The following TGM5 variants were observed in gnomAD, a reference collection of about 807,000 sequenced individuals.
The protein encoded by TGM5 is transglutaminase 5, also known as protein-glutamine gamma-glutamyltransferase 5.
TGM5 carries 69 observed loss-of-function variants against 77.2 expected under a neutral mutation model. The ratio of observed to expected loss-of-function variants is 0.89; its 90% CI spans 0.74 to 1.09. TGM5 has a LOEUF of 1.09. Among genes scored for constraint, TGM5 ranks in the 50% least tolerant of loss-of-function variants. TGM5 has a pLI of 0.00. For missense variants in TGM5, 842 were observed against 896.5 expected (o/e 0.94, Z 0.78); for synonymous variants, 346 against 351.8 (o/e 0.98, Z 0.18).
rs752261247 is a variant in TGM5 at position 43,260,268 on chromosome 15, G to A, written c.220C>T (p.Arg74Trp). The change falls in exon 3 of 13, where the codon CGG (arginine) becomes TGG (tryptophan). Residue 74 changes from arginine to tryptophan, a missense_variant. By Grantham distance (101) the Arg-to-Trp change is moderately radical (BLOSUM62 -3). Transcript: ENST00000220420. ...GPLPDLALGT[R>W]AVFSLARHHS... is the part of the protein sequence containing the mutation. ...TGGCGTGCCAGGCTGAACACAGCCC[G>A]AGTCCCCAAGGCCAGGTCTGGCAGC... 4.3e-6 allele frequency: 7 copies of A among 1,613,998 alleles called. No individual in the cohort carries two copies. The highest frequency in any genetic ancestry group is 2.2e-5 in the South Asian group (2 of 91,072).
chr15:43,263,628 G>A (rs954213701), intron 1 of TGM5, among the ~76,000 whole-genome samples: 2 of 152,220 alleles, frequency 1.3e-5, no homozygotes, highest in African/African-American at 4.8e-5. Flanking sequence ...AATGAAGTTA[G>A]ATGCATAACT....
At position 43,234,189 on chromosome 15, in the gene TGM5, C is replaced by T. The variant is rs530682698; in HGVS notation, c.1876-502G>A. Among the ~76,000 whole-genome samples, 8 of 152,292 alleles carry T rather than the reference C, an allele frequency of 5.3e-5. No individual in the cohort carries two copies. In the South Asian group the frequency reaches 1.0e-3, roughly 20 times the overall value. ...TAGCCAAACCTTCATGTTTCCCCAC[C>T]GGAAGGGGCTCCATGGGCTTACTTA... On this transcript the variant is annotated intron_variant, in intron 11 of 12. Transcript: ENST00000220420.
At chr15:43,261,184 G>A (rs59152765) in intron 1 of TGM5, among the ~76,000 whole-genome samples, 4,450 of 147,196 alleles carry the variant, frequency 0.03, 217 homozygotes, top group African/African-American at 0.1. Context: ...CCGCCTCCCG[G>A]GTTCACGCCA....
At chr15:43,237,817 T>C (rs1008611299) in intron 9 of TGM5, among the ~76,000 whole-genome samples, 1 of 152,182 alleles carries the variant, frequency 6.6e-6, no homozygotes, top group African/African-American at 2.4e-5. Flanking sequence ...GGCTTGAAAA[T>C]GTACTCTTAC....
Position 43,235,451 on chromosome 15 carries a change from A to G in TGM5, c.1714+18T>C, listed in dbSNP as rs909019211. Reference sequence around the variant, plus strand: ...TGCCAAAACCAACTCTGCGTACACAAACTGTGCACATGCGTACCTTCTTTA... The same window carrying G: ...TGCCAAAACCAACTCTGCGTACACAGACTGTGCACATGCGTACCTTCTTTA... On this transcript the variant is annotated intron_variant, in intron 10 of 12. Coordinates refer to ENST00000220420, the MANE Select transcript of TGM5 (RefSeq NM_201631.4). 6.2e-7 allele frequency: 1 copy of G among 1,613,938 alleles called. No homozygotes were observed. Among genetic ancestry groups the G allele is most frequent in the African/African-American group, 1.3e-5 (1 of 74,900 alleles).
At position 43,258,271 on chromosome 15, in the gene TGM5, A is replaced by G. The variant is rs556466053; in HGVS notation, c.437-1585T>C. Among the ~76,000 whole-genome samples the G allele has an allele frequency of 4.8e-3, 726 of 152,102 alleles. 3 individuals are homozygous for G. Among genetic ancestry groups the G allele is most frequent in the Non-Finnish European group, 9.3e-3 (633 of 67,970 alleles). On this transcript the variant is annotated intron_variant, in intron 3 of 12. Coordinates refer to ENST00000220420, the MANE Select transcript of TGM5 (RefSeq NM_201631.4). The stretch of plus-strand genomic sequence containing the variant: ...ATTACAAAAAAAAAAAAGAAAAACT[A>G]CCTGTTGGGTAGTATGCTTATTACC...
chr15:43,236,490 A>G (rs2042591375), intron 9 of TGM5, among the ~76,000 whole-genome samples: 1 of 152,138 alleles, frequency 6.6e-6, no homozygotes, highest in African/African-American at 2.4e-5. Context: ...ATACTTGCCC[A>G]CGCCTCATAA....
At chr15:43,247,518 CA>C (rs370917236) in intron 6 of TGM5, among the ~76,000 whole-genome samples, 130 of 138,096 alleles carry the variant, frequency 9.4e-4, no homozygotes, top group African/African-American at 2.8e-3. Flanking sequence ...AAGCTGACCT[CA>C]AAAAAAAAAG....
intron 6 of TGM5, among the ~76,000 whole-genome samples, chr15:43,249,586 G>A (rs898818343): frequency 1.3e-5 from 2 of 152,132 alleles, no homozygotes; most frequent in Non-Finnish European, 2.9e-5. Context: ...TGTCCCCTCT[G>A]TACTCTTGCT....
In TGM5 at chr15:43,239,929, G is replaced by T. The variant is rs1375072587; in HGVS notation, c.1002-663C>A. ...TGTGGTCAGAACTGTTGGGACTCAG[G>T]AAACAATACTCCAAAATGAAGGTCT... On this transcript the variant is annotated intron_variant, in intron 7 of 12. Transcript: ENST00000220420. Among the ~76,000 whole-genome samples the T allele has an allele frequency of 3.9e-5, 6 of 152,222 alleles. No homozygotes were observed. In the East Asian group the frequency reaches 1.2e-3, roughly 29 times the overall value.
At position 43,245,901 on chromosome 15, in the gene TGM5, G is replaced by T. The variant is rs531977424; in HGVS notation, c.863-4911C>A. 9.0e-4 allele frequency among the ~76,000 whole-genome samples: 113 copies of T among 125,388 alleles called. 1 individual carries two copies. The highest frequency in any genetic ancestry group is 1.1e-3 in the African/African-American group (36 of 32,884). The allele number at this position is 125,388 out of a possible 152,430, so 82.3% of individuals were successfully genotyped here. ...AAGGGTTATCTGTGTGTGTGTGTTG[G>T]GGGGGGGGGTCTTAAATGGCAAAAA... On this transcript the variant is annotated intron_variant, in intron 6 of 12. Transcript: ENST00000220420.
chr15:43,263,150 A>G (rs1309917785), intron 1 of TGM5, among the ~76,000 whole-genome samples: 1 of 152,218 alleles, frequency 6.6e-6, no homozygotes, highest in East Asian at 1.9e-4. Flanking sequence ...TGACTTAGTA[A>G]ATTTAACAAA....
chr15:43,234,884 T>C lies in TGM5; in HGVS notation c.1760A>G (p.Tyr587Cys). 2 of 1,614,202 alleles carry C rather than the reference T, an allele frequency of 1.2e-6. No homozygotes were observed. Among genetic ancestry groups the C allele is most frequent in the Non-Finnish European group, 1.7e-6 (2 of 1,180,022 alleles). The change falls in exon 11 of 13, where the codon TAC (tyrosine) becomes TGC (cysteine). Residue 587 changes from tyrosine to cysteine, a missense_variant. By Grantham distance (194) the Tyr-to-Cys change is radical. Coordinates refer to ENST00000220420, the MANE Select transcript of TGM5 (RefSeq NM_201631.4). ...GCGGATCAGCTTGTCTGTTGACAGG[T>C]ACTGGCTGTACTGGGAATAGGAGAT... The part of the protein sequence containing the change: ...CKISYSQYSQ[Y>C]LSTDKLIRIS...
At position 43,233,045 on chromosome 15, in the gene TGM5, C is replaced by T. The variant is rs2042557623; in HGVS notation, c.*146G>A. ...AAATTTCTAGTGGAGTCAGGAGAGA[C>T]AGAAAATGAACACGTCATCCCCTCT... On this transcript the variant is annotated 3_prime_UTR_variant, in exon 13 of 13. Transcript: ENST00000220420. The T allele has an allele frequency of 9.9e-7, 1 of 1,006,514 alleles. No homozygotes were observed. The highest frequency in any genetic ancestry group is 1.5e-6 in the Non-Finnish European group (1 of 686,750). The allele number at this position is 1,006,514 out of a possible 1,614,324, so 62.3% of individuals were successfully genotyped here. A position where few individuals can be genotyped will look rare whatever the true frequency, so the allele number is the denominator to read the frequency against.
chr15:43,252,568 G>A (rs1019391178), intron 6 of TGM5, among the ~76,000 whole-genome samples, 191 bp downstream of exon 6: 11 of 152,016 alleles, frequency 7.2e-5, no homozygotes, highest in Middle Eastern at 3.4e-3. Flanking sequence ...CACCCACCTC[G>A]GGCTCCCAAA....
rs767343419 is a variant in TGM5 at position 43,235,518 on chromosome 15, CA to C, written c.1664del (p.Leu555ArgfsTer39). On this transcript the variant is annotated frameshift_variant, in exon 10 of 13. Transcript: ENST00000220420. LOFTEE classifies it high-confidence loss of function. ...AQSLLHDGSP[L>X]SPFWQDTAFI... ...ACGCTGTGTCCTGCCAGAATGGGGA[CA>C]GGGGGCTGCCATCGTGCAGCAGAGA... 1.1e-5 allele frequency: 18 copies of C among 1,614,014 alleles called. 1 individual carries two copies. In the South Asian group the frequency reaches 1.3e-4, roughly 12 times the overall value.
At chr15:43,249,353 C>G (rs563469747) in intron 6 of TGM5, among the ~76,000 whole-genome samples, 17 of 152,340 alleles carry the variant, frequency 1.1e-4, no homozygotes, top group Admixed American at 3.3e-4. Flanking sequence ...GGTTGTACAA[C>G]AATCTTTACT....
At chr15:43,254,273 C>T (rs1023961572) in intron 4 of TGM5, among the ~76,000 whole-genome samples, 2 of 152,182 alleles carry the variant, frequency 1.3e-5, no homozygotes, top group African/African-American at 2.4e-5. Context: ...GACTCAGTTA[C>T]GTGATGTAGT....
rs116616135 is a variant in TGM5, at chr15:43,252,800, C to T, written c.821G>A (p.Arg274His). 2.8e-4 allele frequency: 458 copies of T among 1,614,030 alleles called. 2 individuals carry two copies. The East Asian group carries it at 7.7e-3, about 27-fold the overall frequency. Residue 274 changes from arginine (R) to histidine (H), a missense_variant, in exon 6 of 13, where the codon CGC becomes CAC. Around this residue, in one of 2 missense-constraint regions of TGM5, gnomAD observed 815 missense variants for 844.6 expected, o/e 0.96. Transcript: ENST00000220420. ...AGCAAAGACCCAGCATTGCCCGTAG[C>T]GCACGGGCTGGCAGCCTGTGGCGTT... is the stretch of plus-strand genomic sequence containing the variant. ...QWNATGCQPV[R>H]YGQCWVFAAV...
Sources: allele counts gnomAD v4.1 joint callset (sites outside exome capture counted in the v4.1 genomes callset), GRCh38; gene constraint gnomAD v4.1.1; regional missense constraint gnomAD v4.1.1; transcripts MANE v1.5; gene names NCBI Gene and HGNC (gene_info 2026-07-23, HGNC 2026-07-21).